Variants in MAN1C1 observed in about 807,000 individuals in gnomAD.
The protein encoded by MAN1C1 is mannosidase alpha class 1C member 1.
In MAN1C1, 49 loss-of-function variants were observed where a neutral mutation model predicts 71.5. The ratio of observed to expected loss-of-function variants is 0.69; its 90% CI spans 0.54 to 0.87. The LOEUF is 0.87. MAN1C1 is among the 40% of genes least tolerant of loss of function. MAN1C1 has a pLI of 0.00. For synonymous variants in MAN1C1, 352 were observed against 343.7 expected, an observed-to-expected ratio of 1.02 and a Z score of -0.27; for missense variants, 743 against 835.0, an observed-to-expected ratio of 0.89 and a Z score of 1.36.
At chr1:25,736,931 A>G (rs2046990403) in intron 2 of MAN1C1, among the ~76,000 whole-genome samples, 1 of 152,240 alleles carries the variant, frequency 6.6e-6, no homozygotes, top group Non-Finnish European at 1.5e-5. Flanking sequence ...GTTTGGCTTC[A>G]AAGCCCACGC....
rs191137033 is a variant in MAN1C1, at chr1:25,628,944, C to T, written c.540+10607C>T. ...GTTATTTCATTCCTTTTCACAGCTC[C>T]GTAGTATTCCATGGCATATATATAC... On this transcript the variant is annotated intron_variant, in intron 1 of 11. Transcript: ENST00000374332. Among the ~76,000 whole-genome samples, 596 of 152,216 alleles carry T rather than the reference C, an allele frequency of 3.9e-3. 4 individuals carry two copies. Among genetic ancestry groups the T allele is most frequent in the Non-Finnish European group, 3.5e-3 (241 of 68,014 alleles).
chr1:25,713,267 G>T lies in MAN1C1; in HGVS notation c.637+26731G>T, dbSNP rs900540892. ...GGGGTGGGGAACAAGGAGATGGAGG[G>T]ATGTGTTGGGTGCTTTTGTGTTACC... is the stretch of plus-strand genomic sequence containing the variant. On this transcript the variant is annotated intron_variant, in intron 2 of 11. Transcript: ENST00000374332. Among the ~76,000 whole-genome samples, 9 of 152,340 alleles carry T rather than the reference G, an allele frequency of 5.9e-5. No individual in the cohort carries two copies. The South Asian group carries it at 1.9e-3, about 32-fold the overall frequency.
At chr1:25,625,940 C>T (rs2045287322) in intron 1 of MAN1C1, among the ~76,000 whole-genome samples, 1 of 152,178 alleles carries the variant, frequency 6.6e-6, no homozygotes, top group Non-Finnish European at 1.5e-5. Flanking sequence ...TACTTCATTC[C>T]TTTTTATTGT....
intron 2 of MAN1C1, among the ~76,000 whole-genome samples, chr1:25,723,011 T>C (rs1350648020): frequency 6.6e-6 from 1 of 152,256 alleles, no homozygotes; most frequent in African/African-American, 2.4e-5. Context: ...GCGTACTCTT[T>C]GTCCTCAATG....
In MAN1C1 at chr1:25,719,051, C is replaced by CTTATTATTATTA. The variant is rs34993782; in HGVS notation, c.638-27590_638-27579dup. Among the ~76,000 whole-genome samples, 18 of 143,886 alleles carry CTTATTATTATTA rather than the reference C, an allele frequency of 1.3e-4. No homozygotes were observed. In the East Asian group the frequency reaches 1.4e-3, roughly 11 times the overall value. The allele number at this position is 143,886 out of a possible 152,430, so 94.4% of individuals were successfully genotyped here. ...CCATTTTCTCTATATCTTTCCAATGCTTATTATTATTATTATTATTATTAT... is the reference window on the plus strand; with the variant it reads ...CCATTTTCTCTATATCTTTCCAATGCTTATTATTATTATTATTATTATTATTATTATTATTAT... On this transcript the variant is annotated intron_variant, in intron 2 of 11. Transcript: ENST00000374332.
Position 25,711,620 on chromosome 1 carries a change from TG to T in MAN1C1, c.637+25085del, listed in dbSNP as rs2046613901. On this transcript the variant is annotated intron_variant, in intron 2 of 11. Coordinates refer to ENST00000374332, the MANE Select transcript of MAN1C1 (RefSeq NM_020379.4). This position sits in a 1 kb window ranked among gnomAD's most constrained non-coding sequence, Gnocchi z 4.3. ...ATTCTGCATGTATTGAGCACCACTG[TG>T]TGCCAGGCCCTGCTCCCTGCGGCCC... Among the ~76,000 whole-genome samples, 1 of 152,220 alleles carries T rather than the reference TG, an allele frequency of 6.6e-6. No homozygotes were observed.
Position 25,776,605 on chromosome 1 carries a change from C to T in MAN1C1, c.1258-1500C>T, listed in dbSNP as rs1474093097. On this transcript the variant is annotated intron_variant, in intron 8 of 11. Transcript: ENST00000374332. The surrounding 1 kb of genome is among the most constrained non-coding windows in gnomAD (Gnocchi z 4.3). The stretch of plus-strand genomic sequence containing the variant: ...TATATTTGGTTTTGTTGGGAATTCT[C>T]TGCACTAATGGGTGAGCTCCCTGAG... Among the ~76,000 whole-genome samples, 1 of 152,174 alleles carries T rather than the reference C, an allele frequency of 6.6e-6. No homozygotes were observed.
At chr1:25,636,583 G>A (rs1181690561) in intron 1 of MAN1C1, among the ~76,000 whole-genome samples, 2 of 152,130 alleles carry the variant, frequency 1.3e-5, no homozygotes, top group African/African-American at 2.4e-5. Context: ...CCTGAAAATT[G>A]CTGTTACTCT....
chr1:25,741,619 G>A (rs1410955592), intron 2 of MAN1C1, among the ~76,000 whole-genome samples: 1 of 152,178 alleles, frequency 6.6e-6, no homozygotes, highest in African/African-American at 2.4e-5. Context: ...CCATTAGCAT[G>A]AGATGAGAAT....
chr1:25,709,948 G>T (rs1372601093), intron 2 of MAN1C1: 1 of 152,184 alleles, frequency 6.6e-6, no homozygotes, highest in East Asian at 1.9e-4. Flanking sequence ...GTTTCACTGT[G>T]TTGGCCAGGC....
chr1:25,726,267 C>A (rs1298796289), intron 2 of MAN1C1, among the ~76,000 whole-genome samples: 1 of 152,204 alleles, frequency 6.6e-6, no homozygotes, highest in Non-Finnish European at 1.5e-5. Context: ...ACCACCACGA[C>A]CACGGTCTCC....
chr1:25,719,405 T>G (rs887294575), intron 2 of MAN1C1, among the ~76,000 whole-genome samples: 10 of 127,840 alleles, frequency 7.8e-5, no homozygotes, highest in African/African-American at 4.4e-4. Flanking sequence ...TTTTATTTAT[T>G]TATTTATTTA....
At chr1:25,727,188 G>A (rs2046843567) in intron 2 of MAN1C1, among the ~76,000 whole-genome samples, 1 of 152,184 alleles carries the variant, frequency 6.6e-6, no homozygotes, top group African/African-American at 2.4e-5. Context: ...ATGACCTTAG[G>A]CACTAGTCAT....
At chr1:25,635,671 A>T (rs1312435246) in intron 1 of MAN1C1, among the ~76,000 whole-genome samples, 6 of 151,618 alleles carry the variant, frequency 4.0e-5, no homozygotes, top group African/African-American at 1.5e-4. Flanking sequence ...CTGGTCTCAA[A>T]CTCCTGACCT....
chr1:25,730,707 C>A lies in MAN1C1; in HGVS notation c.638-15961C>A, dbSNP rs1305649196. Among the ~76,000 whole-genome samples the A allele has an allele frequency of 6.6e-6, 1 of 152,200 alleles. No homozygotes were observed. The highest frequency in any genetic ancestry group is 1.5e-5 in the Non-Finnish European group (1 of 68,036). The stretch of plus-strand genomic sequence containing the variant: ...CCCAGAAGCATGCTCAGGGCTGTCA[C>A]GACTGGATGAGGCCTGGCTTGGCTG... On this transcript the variant is annotated intron_variant, in intron 2 of 11. Coordinates refer to ENST00000374332, the MANE Select transcript of MAN1C1 (RefSeq NM_020379.4). The surrounding 1 kb of genome is among the most constrained non-coding windows in gnomAD (Gnocchi z 4.3).
intron 1 of MAN1C1, among the ~76,000 whole-genome samples, chr1:25,646,802 CT>C (rs2045621199): frequency 1.3e-5 from 2 of 152,222 alleles, no homozygotes; most frequent in African/African-American, 4.8e-5. Flanking sequence ...ACCGCATTTT[CT>C]TTCTCCATTC....
intron 1 of MAN1C1, chr1:25,645,786 T>C (rs997839799): frequency 1.3e-5 from 2 of 152,272 alleles, no homozygotes; most frequent in Non-Finnish European, 2.9e-5. Flanking sequence ...TTCCCCGATA[T>C]CTGAGCCCTC....
In MAN1C1 at chr1:25,779,224, C is replaced by T. The variant is rs1354369613; in HGVS notation, c.1477+900C>T. Among the ~76,000 whole-genome samples the T allele has an allele frequency of 6.6e-6, 1 of 152,160 alleles. No homozygotes were observed. The highest frequency in any genetic ancestry group is 2.4e-5 in the African/African-American group (1 of 41,436). On this transcript the variant is annotated intron_variant, in intron 9 of 11. Coordinates refer to ENST00000374332, the MANE Select transcript of MAN1C1 (RefSeq NM_020379.4). The surrounding 1 kb of genome is among the most constrained non-coding windows in gnomAD (Gnocchi z 4.6). The stretch of plus-strand genomic sequence containing the variant: ...ACTGTTTTCTGATGGCCAGGAGCCG[C>T]TACACCATTTGAAAAGATTAGAGAG...
At chr1:25,693,928 AC>A (rs2046338578) in intron 2 of MAN1C1, among the ~76,000 whole-genome samples, 1 of 152,168 alleles carries the variant, frequency 6.6e-6, no homozygotes, top group South Asian at 2.1e-4. Flanking sequence ...GGTGTAAAAC[AC>A]CTGGTGTATA....
Sources: allele counts gnomAD v4.1 joint callset (sites outside exome capture counted in the v4.1 genomes callset), GRCh38; gene constraint gnomAD v4.1.1; non-coding constraint Gnocchi (gnomAD v3.1); transcripts MANE v1.5; gene names NCBI Gene and HGNC (gene_info 2026-07-23, HGNC 2026-07-21).